GLI2: variants seen among roughly 807,000 people sequenced by gnomAD.
The protein encoded by GLI2 is GLI family zinc finger 2, also known as transcription activator GLI2.
GLI2 carries 22 observed loss-of-function variants against 78.9 expected under a neutral mutation model. The observed-to-expected ratio is 0.28, with a 90% CI of 0.20 to 0.40. GLI2 has a LOEUF of 0.40. Among genes scored for constraint, GLI2 ranks in the 10% least tolerant of loss-of-function variants. The probability of loss-of-function intolerance (pLI) is 1.00; values close to 1 mark genes in which losing one functional copy is unlikely to be tolerated. For synonymous variants in GLI2, 974 were observed against 963.7 expected (o/e 1.01, Z -0.20); for missense variants, 2,097 against 2,213.2 (o/e 0.95, Z 1.05).
intron 2 of GLI2, among the ~76,000 whole-genome samples, chr2:120,872,019 A>C (rs187983023): frequency 1.1e-3 from 172 of 152,308 alleles, no homozygotes; most frequent in African/African-American, 3.8e-3. Flanking sequence ...CAGAGGCAAA[A>C]GAAACAGGAG....
intron 2 of GLI2, among the ~76,000 whole-genome samples, chr2:120,844,475 G>A (rs1687021771): frequency 6.6e-6 from 1 of 152,194 alleles, no homozygotes; most frequent in Non-Finnish European, 1.5e-5. Flanking sequence ...GTCCCTTCCT[G>A]TCACTTTGCT....
chr2:120,920,385 T>C (rs925707333), intron 2 of GLI2, among the ~76,000 whole-genome samples: 8 of 152,220 alleles, frequency 5.3e-5, no homozygotes, highest in Non-Finnish European at 1.0e-4. Flanking sequence ...TTCCCGATTC[T>C]TTGTCTGAAC....
intron 3 of GLI2, among the ~76,000 whole-genome samples, chr2:120,935,060 T>A (rs1319723305): frequency 1.3e-5 from 2 of 152,212 alleles, no homozygotes; most frequent in Non-Finnish European, 2.9e-5. Context: ...GGTTCACGAT[T>A]CATAGAGGAT....
intron 5 of GLI2, among the ~76,000 whole-genome samples, chr2:120,956,604 G>A (rs867297278): frequency 8.5e-5 from 13 of 152,246 alleles, no homozygotes; most frequent in African/African-American, 2.9e-4. Flanking sequence ...AGGGCAGCCA[G>A]TAAAGCTGGA....
intron 5 of GLI2, among the ~76,000 whole-genome samples, chr2:120,956,736 T>C (rs1681284307): frequency 6.6e-6 from 1 of 151,992 alleles, no homozygotes; most frequent in Non-Finnish European, 1.5e-5. Context: ...AGGGAGACCG[T>C]CCTGCAGGGG....
At chr2:120,832,192 C>A (rs146566400) in intron 2 of GLI2, among the ~76,000 whole-genome samples, 1,833 of 152,344 alleles carry the variant, frequency 0.012, 22 homozygotes, top group Middle Eastern at 0.048. Context: ...GTCTTAAGAG[C>A]TCATCGGTCT....
chr2:120,795,365 A>G (rs1684338631), intron 1 of GLI2, among the ~76,000 whole-genome samples: 1 of 151,806 alleles, frequency 6.6e-6, no homozygotes, highest in Admixed American at 6.6e-5. Context: ...CTACTAAAAA[A>G]TACAAAAATT....
rs114984887 is a variant in GLI2, at chr2:120,741,110, C to G, written c.-31+4825C>G. Among the ~76,000 whole-genome samples, 1,382 of 152,312 alleles carry G rather than the reference C, an allele frequency of 9.1e-3. 16 individuals carry two copies. Among genetic ancestry groups the G allele is most frequent in the African/African-American group, 0.031 (1,279 of 41,564 alleles). The stretch of plus-strand genomic sequence containing the variant: ...GGGGCGGGGGGTGTTGTTTGTATTT[C>G]CCAGACTTACAAACCATTTGAGTGC... On this transcript the variant is annotated intron_variant, in intron 1 of 13. Transcript: ENST00000361492.
chr2:120,909,269 G>GTAACTA (rs1678692911), intron 2 of GLI2, among the ~76,000 whole-genome samples: 1 of 151,992 alleles, frequency 6.6e-6, no homozygotes, highest in South Asian at 2.1e-4. Flanking sequence ...CTGCCTGGCT[G>GTAACTA]GGCCCTGCAG....
At chr2:120,920,991 C>T (rs1679346486) in intron 2 of GLI2, among the ~76,000 whole-genome samples, 1 of 151,954 alleles carries the variant, frequency 6.6e-6, no homozygotes, top group African/African-American at 2.4e-5. Context: ...CCTATTCTTC[C>T]CACGCATCTT....
chr2:120,753,682 AG>A (rs1226291018), intron 1 of GLI2, among the ~76,000 whole-genome samples: 12 of 151,934 alleles, frequency 7.9e-5, no homozygotes, highest in African/African-American at 2.9e-4. Flanking sequence ...GCGGATCAGG[AG>A]GTCAGGAGAT....
chr2:120,772,977 A>G (rs1683566588), intron 1 of GLI2, among the ~76,000 whole-genome samples: 2 of 152,102 alleles, frequency 1.3e-5, no homozygotes, highest in Non-Finnish European at 1.5e-5. Flanking sequence ...AACCCTTCCC[A>G]TGTTATTATA....
At chr2:120,841,395 A>T (rs1382706314) in intron 2 of GLI2, among the ~76,000 whole-genome samples, 1 of 152,172 alleles carries the variant, frequency 6.6e-6, no homozygotes, top group African/African-American at 2.4e-5. Flanking sequence ...ATTTCATCTC[A>T]CTTTGCCTGG....
At chr2:120,853,878 A>T (rs1287988393) in intron 2 of GLI2, among the ~76,000 whole-genome samples, 2 of 152,020 alleles carry the variant, frequency 1.3e-5, no homozygotes, top group Non-Finnish European at 2.9e-5. Context: ...CTGCATTTGC[A>T]CGGTGGTGGT....
chr2:120,899,496 G>A (rs1251101439), intron 2 of GLI2, among the ~76,000 whole-genome samples: 2 of 152,158 alleles, frequency 1.3e-5, no homozygotes, highest in East Asian at 1.9e-4. Flanking sequence ...CAAGGAAGGC[G>A]AGTGCCCCGA....
intron 2 of GLI2, among the ~76,000 whole-genome samples, chr2:120,844,232 A>T (rs1687011299): frequency 6.6e-6 from 1 of 152,210 alleles, no homozygotes; most frequent in East Asian, 1.9e-4. Context: ...CTCCTCTGCC[A>T]CTGGAGCTCA....
intron 2 of GLI2, 130 bp from the exon 3 acceptor site, chr2:120,927,231 G>A (rs576059944): frequency 1.7e-4 from 132 of 771,698 alleles, no homozygotes; most frequent in Admixed American, 6.2e-4. Flanking sequence ...GTGATCGCGC[G>A]GGCACTGCGG....
At position 120,819,122 on chromosome 2, in the gene GLI2, C is replaced by T. The variant is rs142960400; in HGVS notation, c.148+21654C>T. On this transcript the variant is annotated intron_variant, in intron 2 of 13. Transcript: ENST00000361492. The stretch of plus-strand genomic sequence containing the variant: ...TTCTTGGCTCTTGTTGGGTTCCTGG[C>T]TGCAGCTGGTAGAGTTGCCTTTTAG... Among the ~76,000 whole-genome samples the T allele has an allele frequency of 6.3e-4, 96 of 152,174 alleles. No individual in the cohort carries two copies. The East Asian group carries it at 0.016, about 26-fold the overall frequency.
intron 2 of GLI2, among the ~76,000 whole-genome samples, chr2:120,872,519 T>G (rs10181209): frequency 0.044 from 6,700 of 152,272 alleles, 481 homozygotes; most frequent in African/African-American, 0.15. Flanking sequence ...GCTGGCTGTG[T>G]GTGGTCAACA....
Sources: gnomAD v4.1 joint callset for allele counts (sites outside exome capture counted in the v4.1 genomes callset) on GRCh38, gnomAD v4.1.1 for gene constraint, MANE v1.5 for transcripts, NCBI Gene and HGNC (gene_info 2026-07-23, HGNC 2026-07-21) for gene names.